The following SPG11 variants were observed in gnomAD, a reference collection of about 807,000 sequenced individuals.
The protein encoded by SPG11 is spatacsin.
In SPG11, 222 loss-of-function variants were observed where a neutral mutation model predicts 274.0. That is an observed-to-expected ratio of 0.81 (90% confidence interval 0.73 to 0.91). The LOEUF (loss-of-function observed/expected upper bound fraction) is 0.91. Among genes scored for constraint, SPG11 ranks in the 40% least tolerant of loss-of-function variants. SPG11 has a pLI of 0.00. For synonymous variants in SPG11, 1,144 were observed against 1,039.7 expected (o/e 1.10, Z -1.93); for missense variants, 3,114 against 2,872.7 (o/e 1.08, Z -1.92).
Position 44,562,949 on chromosome 15 carries a change from A to G in SPG11, c.*172T>C, listed in dbSNP as rs1186440155. On this transcript the variant is annotated 3_prime_UTR_variant, in exon 40 of 40. Coordinates refer to ENST00000261866, the MANE Select transcript of SPG11 (RefSeq NM_025137.4). ...CATCTAAAATCAATCTATTTTAAAT[A>G]GGAATTTCCTCCTGAAAAGTTTCTT... 1 of 612,672 alleles carries G rather than the reference A, an allele frequency of 1.6e-6. No individual in the cohort carries two copies. Among genetic ancestry groups the G allele is most frequent in the Non-Finnish European group, 2.9e-6 (1 of 348,164 alleles). The allele number at this position is 612,672 out of a possible 1,614,324, so 38.0% of individuals were successfully genotyped here.
chr15:44,663,152 C>T (rs957404268), intron 1 of SPG11, among the ~76,000 whole-genome samples: 1 of 152,248 alleles, frequency 6.6e-6, no homozygotes, highest in African/African-American at 2.4e-5. Context: ...TGGGTGCCGT[C>T]TCCGCCCACC....
intron 6 of SPG11, among the ~76,000 whole-genome samples, chr15:44,651,076 A>C (rs2084760771): frequency 1.3e-5 from 2 of 152,170 alleles, no homozygotes; most frequent in African/African-American, 2.4e-5. Context: ...TAACAGCTGG[A>C]AATTAGAATT....
chr15:44,624,956 G>A (rs2083857023), intron 11 of SPG11, among the ~76,000 whole-genome samples: 2 of 152,048 alleles, frequency 1.3e-5, no homozygotes, highest in Non-Finnish European at 2.9e-5. Context: ...CCAACATGGA[G>A]AAACCCCGTC....
At chr15:44,582,651 C>A (rs1008218649) in intron 30 of SPG11, among the ~76,000 whole-genome samples, 2 of 151,400 alleles carry the variant, frequency 1.3e-5, no homozygotes, top group Non-Finnish European at 2.9e-5. Flanking sequence ...AGCAAAAAAT[C>A]AAAAAGAATA....
intron 30 of SPG11, among the ~76,000 whole-genome samples, chr15:44,582,678 T>C (rs1161802148): frequency 2.0e-5 from 3 of 152,098 alleles, no homozygotes; most frequent in East Asian, 1.9e-4. Flanking sequence ...CAGGCCCAAA[T>C]TGGATTTATG....
At chr15:44,581,659 C>T (rs981598273) in intron 30 of SPG11, among the ~76,000 whole-genome samples, 1 of 149,604 alleles carries the variant, frequency 6.7e-6, no homozygotes, top group African/African-American at 2.5e-5. Flanking sequence ...TTTGGGAGGC[C>T]AAGGCGGGTT....
intron 7 of SPG11, among the ~76,000 whole-genome samples, chr15:44,635,917 T>TAA: frequency 7.6e-6 from 1 of 130,964 alleles, no homozygotes; most frequent in East Asian, 2.1e-4. Context: ...ACTCCACCTA[T>TAA]AAAAAAAAAA....
rs2085029881 is a variant in SPG11, at chr15:44,659,179, G to A, written c.567C>T (p.Asn189=). Residue 189 remains asparagine, a synonymous_variant, in exon 3 of 40, where the codon AAC becomes AAT. Transcript: ENST00000261866. ...GTGCAGGCAAGGGAAGTGTGAAACA[G>A]TTGAGTACTCTAATTGCAGCATCTC... ...PERDAAIRVL[N]CFTLPLPAQA... 6.2e-7 allele frequency: 1 copy of A among 1,614,110 alleles called. No homozygotes were observed. The highest frequency in any genetic ancestry group is 1.3e-5 in the African/African-American group (1 of 74,936).
intron 11 of SPG11, among the ~76,000 whole-genome samples, chr15:44,626,079 T>C (rs2083890521): frequency 6.6e-6 from 1 of 152,134 alleles, no homozygotes; most frequent in Non-Finnish European, 1.5e-5. Context: ...GGTCTTGCTA[T>C]GTTGCCCATG....
Position 44,657,170 on chromosome 15 carries a change from G to T in SPG11, c.794C>A (p.Ser265Tyr), listed in dbSNP as rs775127075. 2 of 1,614,212 alleles carry T rather than the reference G, an allele frequency of 1.2e-6. No homozygotes were observed. Among genetic ancestry groups the T allele is most frequent in the Admixed American group, 3.3e-5 (2 of 60,024 alleles). ...AATCACTGCAACATCGAGGTCTTGA[G>T]AAACTTTCAGTGAAGTAAATGAAGA... ...KISSFTSLKV[S>Y]QDLDVAVIVS... Residue 265 changes from serine to tyrosine, a missense_variant, in exon 4 of 40, where the codon TCT becomes TAT. Ser to Tyr is a moderately radical substitution (Grantham distance 144). Transcript: ENST00000261866.
At chr15:44,595,991 T>C in intron 25 of SPG11, 92 bp downstream of exon 25, 1 of 1,526,142 alleles carries the variant, frequency 6.6e-7, no homozygotes, top group Non-Finnish European at 9.0e-7. Context: ...ACTGTCATCA[T>C]CACCCCACTT....
chr15:44,596,789 C>T lies in SPG11; in HGVS notation c.4156G>A (p.Ala1386Thr), dbSNP rs776994774. ...IHSQLHNYHP[A>T]EVKSLIQYFS... The stretch of plus-strand genomic sequence containing the variant: ...GCTAACAATTAGTGGCTTACCTCTG[C>T]TGGGTGGTAGTTGTGGAGTTGGCTG... Residue 1386 changes from alanine to threonine, a missense_variant, in exon 24 of 40, where the codon GCA becomes ACA. Coordinates refer to ENST00000261866, the MANE Select transcript of SPG11 (RefSeq NM_025137.4). The T allele has an allele frequency of 1.9e-6, 3 of 1,594,030 alleles. No individual in the cohort carries two copies. In the African/African-American group the frequency reaches 4.1e-5, roughly 22 times the overall value.
At chr15:44,574,472 G>C (rs958783480) in intron 31 of SPG11, among the ~76,000 whole-genome samples, 1 of 152,084 alleles carries the variant, frequency 6.6e-6, no homozygotes, top group African/African-American at 2.4e-5. Flanking sequence ...TCTACTTCCA[G>C]TCTACTGTTT....
At chr15:44,622,861 A>T in intron 11 of SPG11, 62 bp from the exon 12 acceptor site, 1 of 1,197,522 alleles carries the variant, frequency 8.4e-7, no homozygotes, top group Non-Finnish European at 1.2e-6. Flanking sequence ...TTTGAACATA[A>T]ATATGTGTTA....
rs1175060875 is a variant in SPG11 at position 44,565,927 on chromosome 15, T to C, written c.6926A>G (p.Gln2309Arg). 2 of 1,613,968 alleles carry C rather than the reference T, an allele frequency of 1.2e-6. No individual in the cohort carries two copies. Among genetic ancestry groups the C allele is most frequent in the South Asian group, 1.1e-5 (1 of 91,032 alleles). ...TLQIHFLNTG[Q>R]NTMLINLGRH... ...GCCCAAGTTGATGAGCATTGTGTTC[T>C]GGCCAGTGTTCAGAAAGTGAATCTG... is the stretch of plus-strand genomic sequence containing the variant. Residue 2309 changes from glutamine to arginine, a missense_variant, in exon 38 of 40, where the codon CAG (glutamine) becomes CGG (arginine). By Grantham distance (43) the Gln-to-Arg change is conservative (BLOSUM62 1). Transcript: ENST00000261866.
rs770282369 is a variant in SPG11 at position 44,600,648 on chromosome 15, A to T, written c.3521-16T>A. On this transcript the variant is annotated splice_polypyrimidine_tract_variant and intron_variant, in intron 20 of 39. Coordinates refer to ENST00000261866, the MANE Select transcript of SPG11 (RefSeq NM_025137.4). ...CTCCATGCATCTAGGGGGAAAGTAA[A>T]ACAATATTAATTATCTGTATATCAC... 50 of 1,611,708 alleles carry T rather than the reference A, an allele frequency of 3.1e-5. No homozygotes were observed. In the African/African-American group the frequency reaches 6.3e-4, roughly 20 times the overall value.
At chr15:44,662,593 G>A (rs893700533) in intron 1 of SPG11, among the ~76,000 whole-genome samples, 2 of 149,274 alleles carry the variant, frequency 1.3e-5, no homozygotes, top group Admixed American at 6.7e-5. Context: ...AAGGCTGGCT[G>A]CCGTGAACCG....
Position 44,626,420 on chromosome 15 carries a change from C to G in SPG11, c.2155G>C (p.Glu719Gln), listed in dbSNP as rs755719391. ...RIDSHSAQKL[E>Q]ELIGIGLNLV... ...TTTAGGCCTATGCCAATAAGCTCCTCAAGTTTTTGAGCAGAATGACTATCA... is the reference window on the plus strand; with the variant it reads ...TTTAGGCCTATGCCAATAAGCTCCTGAAGTTTTTGAGCAGAATGACTATCA... The change falls in exon 11 of 40, where the codon GAG becomes CAG. Residue 719 changes from glutamate to glutamine, a missense_variant. Transcript: ENST00000261866. The G allele has an allele frequency of 6.2e-7, 1 of 1,613,990 alleles. No individual in the cohort carries two copies. Among genetic ancestry groups the G allele is most frequent in the Admixed American group, 1.7e-5 (1 of 60,020 alleles).
At chr15:44,620,516 A>T in intron 14 of SPG11, 113 bp from the exon 15 acceptor site, 1 of 776,818 alleles carries the variant, frequency 1.3e-6, no homozygotes, top group Non-Finnish European at 2.0e-6. Context: ...TTTATACAAT[A>T]TATTAATTAT....
Sources: gnomAD v4.1 joint callset for allele counts (sites outside exome capture counted in the v4.1 genomes callset) on GRCh38, gnomAD v4.1.1 for gene constraint, MANE v1.5 for transcripts, NCBI Gene and HGNC (gene_info 2026-07-23, HGNC 2026-07-21) for gene names.